Variants in RUFY1 observed in about 807,000 individuals in gnomAD.
RUFY1 encodes RUN and FYVE domain containing 1.
Under a neutral mutation model 94.6 loss-of-function variants are expected in RUFY1, and 54 were observed. The observed-to-expected ratio is 0.57, with a 90% CI of 0.46 to 0.72. The LOEUF (loss-of-function observed/expected upper bound fraction) is 0.72, where lower values mean the gene tolerates loss of function less well. Among genes scored for constraint, RUFY1 ranks in the 30% least tolerant of loss-of-function variants. The pLI, the probability that RUFY1 is intolerant of heterozygous loss-of-function variation, is 0.00. For synonymous variants in RUFY1, 396 were observed against 347.3 expected, an observed-to-expected ratio of 1.14 and a Z score of -1.56; for missense variants, 883 against 883.9, an observed-to-expected ratio of 1.00 and a Z score of 0.01.
chr5:179,593,416 CCA>C, intron 10 of RUFY1, 60 bp from the exon 11 acceptor site: 1 of 1,544,152 alleles, frequency 6.5e-7, no homozygotes, highest in Non-Finnish European at 8.9e-7. Flanking sequence ...AGATTCAACC[CCA>C]GTTAAATACA....
At chr5:179,577,014 G>T in intron 5 of RUFY1, 61 bp from the exon 6 acceptor site, 3 of 1,124,934 alleles carry the variant, frequency 2.7e-6, no homozygotes, top group Admixed American at 1.8e-5. Flanking sequence ...AATTTCAAAG[G>T]TTGTAAAGTT....
chr5:179,582,267 C>G (rs569550290), intron 7 of RUFY1, among the ~76,000 whole-genome samples: 4 of 152,128 alleles, frequency 2.6e-5, no homozygotes, highest in African/African-American at 9.6e-5. Flanking sequence ...CTCTGTCACC[C>G]AGGCTGGAGT....
At chr5:179,559,365 AGT>A (rs1762268875) in intron 1 of RUFY1, among the ~76,000 whole-genome samples, 2 of 152,252 alleles carry the variant, frequency 1.3e-5, no homozygotes, top group African/African-American at 2.4e-5. Context: ...CAAAAAACAA[AGT>A]GTGCGTAAAA....
At position 179,579,182 on chromosome 5, in the gene RUFY1, C is replaced by T. The variant is rs561284781; in HGVS notation, c.891-1765C>T. Among the ~76,000 whole-genome samples, 3 of 152,278 alleles carry T rather than the reference C, an allele frequency of 2.0e-5. No homozygotes were observed. The South Asian group carries it at 6.2e-4, about 32-fold the overall frequency. On this transcript the variant is annotated intron_variant, in intron 6 of 17. Coordinates refer to ENST00000319449, the MANE Select transcript of RUFY1 (RefSeq NM_025158.5). Reference sequence around the variant, plus strand: ...CTCACGGTCTGAGTGCCTGGCAGTGCACCTTACCAAAGAATGGACCAGCAA... The same window carrying T: ...CTCACGGTCTGAGTGCCTGGCAGTGTACCTTACCAAAGAATGGACCAGCAA...
intron 15 of RUFY1, chr5:179,602,534 T>A (rs182938577): frequency 2.0e-5 from 3 of 152,900 alleles, no homozygotes; most frequent in African/African-American, 7.2e-5. Context: ...CCAGTCTAGA[T>A]AGGTTGCTGT....
chr5:179,593,425 T>TA, intron 10 of RUFY1, 53 bp from the exon 11 acceptor site: 1 of 1,562,666 alleles, frequency 6.4e-7, no homozygotes, highest in East Asian at 2.3e-5. Context: ...CCCAGTTAAA[T>TA]ACATTTCTGT....
At position 179,601,976 on chromosome 5, in the gene RUFY1, C is replaced by T; in HGVS notation, c.1846C>T (p.His616Tyr). ...QEQALQEMGL[H>Y]LSQSKLKMED... ...ACAAGCCCTCCAGGAAATGGGCCTG[C>T]ACCTCAGCCAGTAAGAACCCCACTC... The change falls in exon 15 of 18, where the codon CAC becomes TAC. Residue 616 changes from histidine to tyrosine, a missense_variant. His to Tyr is a moderately conservative substitution (Grantham distance 83, BLOSUM62 2). Transcript: ENST00000319449. 6.2e-7 allele frequency: 1 copy of T among 1,613,202 alleles called. No homozygotes were observed. Among genetic ancestry groups the T allele is most frequent in the East Asian group, 2.2e-5 (1 of 44,862 alleles).
intron 16 of RUFY1, chr5:179,607,154 G>A (rs982311131): frequency 1.4e-4 from 32 of 227,160 alleles, no homozygotes; most frequent in Admixed American, 9.9e-4. Context: ...GTCAACAAGT[G>A]TCTTAGTCTC....
chr5:179,557,008 A>G (rs1561953203), intron 1 of RUFY1, among the ~76,000 whole-genome samples: 1 of 152,210 alleles, frequency 6.6e-6, no homozygotes, highest in Admixed American at 6.5e-5. Flanking sequence ...CTAAAGCCAA[A>G]AATTATTTTT....
chr5:179,560,470 A>G (rs1223086681), intron 2 of RUFY1, among the ~76,000 whole-genome samples: 1 of 152,176 alleles, frequency 6.6e-6, no homozygotes, highest in Non-Finnish European at 1.5e-5. Context: ...CTGTAATCCC[A>G]GCACTTTGGG....
At chr5:179,608,367 C>G (rs1299311781) in intron 17 of RUFY1, 11 of 985,574 alleles carry the variant, frequency 1.1e-5, no homozygotes, top group Non-Finnish European at 1.3e-5. Flanking sequence ...GCAGTAAGCT[C>G]AGAGCTAGAA....
chr5:179,592,112 T>TTTTTTGG (rs1765167764), intron 10 of RUFY1, among the ~76,000 whole-genome samples: 2 of 151,760 alleles, frequency 1.3e-5, no homozygotes, highest in South Asian at 2.1e-4. Flanking sequence ...ACCCGGCTAA[T>TTTTTTGG]TTTTTGGTTT....
intron 12 of RUFY1, 147 bp from the exon 13 acceptor site, chr5:179,596,415 T>A: frequency 1.0e-6 from 1 of 1,002,248 alleles, no homozygotes; most frequent in Non-Finnish European, 1.6e-6. Context: ...GTATTCTGAT[T>A]GTGGTGGAGC....
chr5:179,608,657 G>A (rs1428117318), intron 17 of RUFY1: 18 of 984,874 alleles, frequency 1.8e-5, no homozygotes, highest in Non-Finnish European at 2.2e-5. Flanking sequence ...GCCGGGCACG[G>A]TGGCTCATGA....
rs755160283 is a variant in RUFY1 at position 179,561,720 on chromosome 5, TC to T, written c.485-822del. On this transcript the variant is annotated intron_variant, in intron 2 of 17. Transcript: ENST00000319449. ...TTTTTTTTTGAAGAGTCTCGCTCTG[TC>T]CCCCAGGCTGGAGTGCAGTGGTGCA... Among the ~76,000 whole-genome samples the T allele has an allele frequency of 6.2e-5, 8 of 128,514 alleles. No individual in the cohort carries two copies. In the East Asian group the frequency reaches 7.1e-4, roughly 11 times the overall value. 84.3% of individuals were successfully genotyped at this position (128,514 alleles called of 152,430 possible).
intron 17 of RUFY1, chr5:179,608,537 A>C (rs1439918337): frequency 4.1e-6 from 4 of 985,358 alleles, no homozygotes; most frequent in Middle Eastern, 5.2e-4. Context: ...CCCCCTTGGA[A>C]TGCAGCAAAG....
At chr5:179,567,735 A>G (rs1178283192) in intron 4 of RUFY1, among the ~76,000 whole-genome samples, 173 bp downstream of exon 4, 1 of 151,854 alleles carries the variant, frequency 6.6e-6, no homozygotes, top group Non-Finnish European at 1.5e-5. Context: ...TATTTTTAGT[A>G]GAGACTAAAA....
At chr5:179,552,465 AGTT>A (rs1761913361) in intron 1 of RUFY1, among the ~76,000 whole-genome samples, 1 of 152,202 alleles carries the variant, frequency 6.6e-6, no homozygotes, top group African/African-American at 2.4e-5. Context: ...TACTGAGTAA[AGTT>A]GAAAGGCTGA....
chr5:179,579,646 C>CTTT (rs1266438882), intron 6 of RUFY1, among the ~76,000 whole-genome samples: 1 of 65,408 alleles, frequency 1.5e-5, no homozygotes, highest in African/African-American at 5.3e-5. Context: ...AAAATATACC[C>CTTT]TTTTCTTCTT....
Sources: gnomAD v4.1 joint callset for allele counts (sites outside exome capture counted in the v4.1 genomes callset) on GRCh38, gnomAD v4.1.1 for gene constraint, MANE v1.5 for transcripts, NCBI Gene and HGNC (gene_info 2026-07-23, HGNC 2026-07-21) for gene names.